Variants in BBX observed in about 807,000 individuals in gnomAD.
BBX encodes BBX high mobility group box domain containing, also known as HMG box transcription factor BBX.
Under a neutral mutation model 100.2 loss-of-function variants are expected in BBX, and 30 were observed. That is an observed-to-expected ratio of 0.30 (90% CI 0.22 to 0.41). BBX has a LOEUF of 0.41. Among genes scored for constraint, BBX ranks in the 10% least tolerant of loss-of-function variants. The probability of loss-of-function intolerance (pLI) is 1.00; values close to 1 mark genes in which losing one functional copy is unlikely to be tolerated. For synonymous variants in BBX, 376 were observed against 388.1 expected (o/e 0.97, Z 0.37); for missense variants, 1,023 against 1,129.8 (o/e 0.91, Z 1.35).
At chr3:107,667,062 A>T (rs957904958) in intron 3 of BBX, among the ~76,000 whole-genome samples, 48 of 152,330 alleles carry the variant, frequency 3.2e-4, no homozygotes, top group African/African-American at 1.1e-3. Flanking sequence ...TATTATGCCC[A>T]ATGTTCTGTT....
At chr3:107,770,932 A>C (rs2066854732) in intron 10 of BBX, among the ~76,000 whole-genome samples, 1 of 152,222 alleles carries the variant, frequency 6.6e-6, no homozygotes, top group Non-Finnish European at 1.5e-5. Context: ...ATCCACCTAA[A>C]AATGAATTTT....
At chr3:107,554,997 G>A (rs1442257712) in intron 2 of BBX, among the ~76,000 whole-genome samples, 4 of 150,936 alleles carry the variant, frequency 2.7e-5, no homozygotes, top group African/African-American at 4.9e-5. Flanking sequence ...GAACCTGGGA[G>A]GCGGAGGTTG....
chr3:107,552,370 AAAAG>A (rs1458367232), intron 2 of BBX, among the ~76,000 whole-genome samples: 12 of 125,042 alleles, frequency 9.6e-5, no homozygotes, highest in African/African-American at 1.2e-4. Context: ...AAAAAAAAAA[AAAAG>A]GGATTGCTCT....
intron 10 of BBX, among the ~76,000 whole-genome samples, chr3:107,771,001 A>G (rs918348229): frequency 2.0e-5 from 3 of 152,236 alleles, no homozygotes; most frequent in African/African-American, 7.2e-5. Flanking sequence ...TTTTAAAAAC[A>G]GATCAGTTTC....
chr3:107,785,127 A>C (rs1424569032), intron 13 of BBX, among the ~76,000 whole-genome samples: 2 of 151,672 alleles, frequency 1.3e-5, no homozygotes, highest in African/African-American at 2.4e-5. Flanking sequence ...TAATCTTGAT[A>C]GATGCATAAC....
intron 3 of BBX, among the ~76,000 whole-genome samples, chr3:107,647,790 G>A (rs995948636): frequency 1.3e-5 from 2 of 152,112 alleles, no homozygotes; most frequent in Admixed American, 1.3e-4. Context: ...TTATGTTCAT[G>A]TCCCTGATTA....
intron 2 of BBX, among the ~76,000 whole-genome samples, chr3:107,601,357 G>T (rs2054054594): frequency 6.6e-6 from 1 of 152,172 alleles, no homozygotes; most frequent in African/African-American, 2.4e-5. Context: ...ATTGAGGAAG[G>T]CATGTCAAAA....
At chr3:107,734,738 A>G (rs113392002) in intron 7 of BBX, among the ~76,000 whole-genome samples, 1 of 152,194 alleles carries the variant, frequency 6.6e-6, no homozygotes, top group Non-Finnish European at 1.5e-5. Context: ...ATGCTAGTCA[A>G]AGAAAAGCAT....
intron 2 of BBX, among the ~76,000 whole-genome samples, chr3:107,618,502 G>T (rs978753599): frequency 6.6e-6 from 1 of 151,958 alleles, no homozygotes; most frequent in African/African-American, 2.4e-5. Flanking sequence ...TTATTGATGT[G>T]CATGATGTCC....
chr3:107,736,367 G>A (rs2063636727), intron 7 of BBX, among the ~76,000 whole-genome samples: 1 of 151,610 alleles, frequency 6.6e-6, no homozygotes, highest in Non-Finnish European at 1.5e-5. Flanking sequence ...GAGCTACAAC[G>A]GAGATGACAG....
intron 3 of BBX, among the ~76,000 whole-genome samples, chr3:107,652,090 C>T (rs545247854): frequency 4.6e-5 from 7 of 152,230 alleles, no homozygotes; most frequent in African/African-American, 1.4e-4. Flanking sequence ...GTTTAATTTG[C>T]AGTTCTTTTT....
At chr3:107,638,352 G>A (rs1218197575) in intron 2 of BBX, 1 of 152,158 alleles carries the variant, frequency 6.6e-6, no homozygotes, top group African/African-American at 2.4e-5. Context: ...ATGGAGCCCA[G>A]CCTAGTTTTC....
At chr3:107,685,500 A>G (rs541032300) in intron 3 of BBX, among the ~76,000 whole-genome samples, 1 of 152,316 alleles carries the variant, frequency 6.6e-6, no homozygotes, top group Non-Finnish European at 1.5e-5. Context: ...AAGATACGCT[A>G]TTCCCTTTCC....
intron 2 of BBX, among the ~76,000 whole-genome samples, chr3:107,556,849 C>G (rs2050131460): frequency 6.6e-6 from 1 of 152,222 alleles, no homozygotes; most frequent in South Asian, 2.1e-4. Context: ...ACTAAAGTAC[C>G]TGAGTGGCAG....
intron 3 of BBX, among the ~76,000 whole-genome samples, chr3:107,655,704 A>AT (rs1271491849): frequency 0.017 from 2,365 of 142,790 alleles, 65 homozygotes; most frequent in African/African-American, 0.054. Context: ...AATTTATTTT[A>AT]TTTTTTTTTT....
intron 7 of BBX, among the ~76,000 whole-genome samples, chr3:107,735,243 T>C (rs1007427487): frequency 1.3e-5 from 2 of 152,124 alleles, no homozygotes; most frequent in Non-Finnish European, 2.9e-5. Context: ...GATAATGAAC[T>C]TTAAGAGCTT....
At chr3:107,674,786 T>C (rs554362504) in intron 3 of BBX, 1 of 152,762 alleles carries the variant, frequency 6.5e-6, no homozygotes, top group African/African-American at 2.4e-5. Flanking sequence ...ACTACACTCC[T>C]CAGACTTCTG....
intron 10 of BBX, among the ~76,000 whole-genome samples, chr3:107,758,205 G>T (rs984483579): frequency 1.3e-5 from 2 of 152,126 alleles, no homozygotes; most frequent in Non-Finnish European, 2.9e-5. Flanking sequence ...ATTGAGGGAG[G>T]TACATGCAAA....
At chr3:107,657,543 A>G (rs935226823) in intron 3 of BBX, among the ~76,000 whole-genome samples, 4 of 152,158 alleles carry the variant, frequency 2.6e-5, no homozygotes, top group Admixed American at 2.6e-4. Flanking sequence ...TTGGGGATGT[A>G]GAGGGACAGA....
Sources: gnomAD v4.1 joint callset for allele counts (sites outside exome capture counted in the v4.1 genomes callset) on GRCh38, gnomAD v4.1.1 for gene constraint, MANE v1.5 for transcripts, NCBI Gene and HGNC (gene_info 2026-07-23, HGNC 2026-07-21) for gene names.